Variants in PDE3B observed in about 807,000 individuals in gnomAD.
PDE3B encodes cGMP-inhibited 3',5'-cyclic phosphodiesterase 3B.
In PDE3B, 66 loss-of-function variants were observed where a neutral mutation model predicts 116.8. That is an observed-to-expected ratio of 0.56 (90% confidence interval 0.46 to 0.69). PDE3B has a LOEUF of 0.69. Ranked by LOEUF, PDE3B falls within the 30% of genes least tolerant of loss-of-function variation. The pLI, the probability that PDE3B is intolerant of heterozygous loss-of-function variation, is 0.00. For missense variants in PDE3B, 1,384 were observed against 1,368.1 expected (o/e 1.01, Z -0.18); for synonymous variants, 595 against 533.6 (o/e 1.12, Z -1.59).
the PDE3B span, chr11:14,891,631 A>C: frequency 9.1e-7 from 1 of 1,094,334 alleles, no homozygotes; most frequent in Non-Finnish European, 1.1e-6. Context: ...CCCGCACCTG[A>C]GGGCATGCGT....
chr11:14,654,771 A>G (rs1358969021), intron 1 of PDE3B, among the ~76,000 whole-genome samples: 8 of 148,116 alleles, frequency 5.4e-5, no homozygotes, highest in Non-Finnish European at 1.2e-4. Flanking sequence ...TTGTTTATAT[A>G]TACACAGCAG....
Position 14,785,796 on chromosome 11 carries a change from C to T in PDE3B, c.1030-641C>T, listed in dbSNP as rs545121057. Among the ~76,000 whole-genome samples the T allele has an allele frequency of 9.9e-5, 15 of 151,972 alleles. No individual in the cohort carries two copies. In the South Asian group the frequency reaches 1.2e-3, roughly 13 times the overall value. On this transcript the variant is annotated intron_variant, in intron 2 of 15. Transcript: ENST00000282096. ...TGTTAATTATTCATCTTTAAGTTAT[C>T]GCTATCTCTTTTGAACTATAACATA...
intron 7 of PDE3B, among the ~76,000 whole-genome samples, chr11:14,822,761 T>G (rs2133954141): frequency 6.6e-6 from 1 of 152,270 alleles, no homozygotes; most frequent in East Asian, 1.9e-4. Context: ...TAGACCCCCA[T>G]ACAGACCCCT....
At chr11:14,653,685 T>C (rs760675083) in intron 1 of PDE3B, among the ~76,000 whole-genome samples, 9 of 151,864 alleles carry the variant, frequency 5.9e-5, no homozygotes, top group African/African-American at 9.7e-5. Context: ...AAAAAAATGA[T>C]TGGGGGACAG....
At chr11:14,759,751 G>A (rs968327784) in intron 1 of PDE3B, among the ~76,000 whole-genome samples, 2 of 151,908 alleles carry the variant, frequency 1.3e-5, no homozygotes, top group African/African-American at 4.8e-5. Flanking sequence ...GTTTCACCAT[G>A]TTGGCCCAGA....
chr11:14,766,584 G>T lies in PDE3B; in HGVS notation c.979-5353G>T, dbSNP rs1409898246. Among the ~76,000 whole-genome samples the T allele has an allele frequency of 6.6e-5, 10 of 151,552 alleles. No homozygotes were observed. In the East Asian group the frequency reaches 1.7e-3, roughly 26 times the overall value. On this transcript the variant is annotated intron_variant, in intron 1 of 15. Transcript: ENST00000282096. ...TGTATACTCTGTATCCAAAAATTGAGTGCATTTACATTTATGCTATTTCTT... is the reference window on the plus strand; with the variant it reads ...TGTATACTCTGTATCCAAAAATTGATTGCATTTACATTTATGCTATTTCTT...
intron 1 of PDE3B, among the ~76,000 whole-genome samples, chr11:14,709,935 T>G (rs1429997985): frequency 1.3e-5 from 2 of 152,210 alleles, no homozygotes; most frequent in African/African-American, 2.4e-5. Context: ...CACAGATATC[T>G]TTAATCTCAC....
chr11:14,704,829 A>G (rs1201300660), intron 1 of PDE3B, among the ~76,000 whole-genome samples: 4 of 151,746 alleles, frequency 2.6e-5, no homozygotes. Context: ...AACACAGAAA[A>G]CACAAACCAT....
intron 7 of PDE3B, among the ~76,000 whole-genome samples, chr11:14,828,857 G>A (rs374200713): frequency 3.4e-4 from 52 of 152,222 alleles, no homozygotes; most frequent in South Asian, 4.2e-4. Context: ...AGCCACATGC[G>A]TGTGTATGTT....
At chr11:14,734,661 A>C (rs1856549157) in intron 1 of PDE3B, among the ~76,000 whole-genome samples, 2 of 152,190 alleles carry the variant, frequency 1.3e-5, no homozygotes, top group Admixed American at 1.3e-4. Context: ...TATGTCATAT[A>C]ATTCTATTCT....
chr11:14,778,755 GC>G (rs1344280155), intron 2 of PDE3B, among the ~76,000 whole-genome samples: 1 of 152,178 alleles, frequency 6.6e-6, no homozygotes, highest in Non-Finnish European at 1.5e-5. Flanking sequence ...AAATCAGAGT[GC>G]CCCTTCTCCT....
chr11:14,694,336 A>G (rs985986767), intron 1 of PDE3B, among the ~76,000 whole-genome samples: 1 of 152,188 alleles, frequency 6.6e-6, no homozygotes, highest in Non-Finnish European at 1.5e-5. Flanking sequence ...GAAGCATTGG[A>G]TGCTCCAGAG....
chr11:14,681,154 T>A (rs1854692559), intron 1 of PDE3B, among the ~76,000 whole-genome samples: 1 of 152,176 alleles, frequency 6.6e-6, no homozygotes, highest in Admixed American at 6.5e-5. Flanking sequence ...GACTTAATAT[T>A]TTTATCAGTT....
intron 1 of PDE3B, among the ~76,000 whole-genome samples, chr11:14,738,012 C>G (rs1162356518): frequency 6.6e-6 from 1 of 152,116 alleles, no homozygotes; most frequent in African/African-American, 2.4e-5. Flanking sequence ...TTAATCCAGT[C>G]TATCATTGTT....
intron 1 of PDE3B, among the ~76,000 whole-genome samples, chr11:14,683,709 C>T (rs1854782591): frequency 6.6e-6 from 1 of 151,312 alleles, no homozygotes; most frequent in South Asian, 2.1e-4. Flanking sequence ...TTTCTGCTTG[C>T]TTTAGGTTTA....
At chr11:14,806,938 G>A (rs1858952399) in intron 5 of PDE3B, among the ~76,000 whole-genome samples, 1 of 150,646 alleles carries the variant, frequency 6.6e-6, no homozygotes, top group African/African-American at 2.4e-5. Flanking sequence ...CCATAAAAAA[G>A]GATGAGTTCA....
At chr11:14,848,712 CA>C (rs1278868855) in intron 12 of PDE3B, among the ~76,000 whole-genome samples, 3 of 152,128 alleles carry the variant, frequency 2.0e-5, no homozygotes, top group Non-Finnish European at 4.4e-5. Flanking sequence ...AACACAGAGC[CA>C]AATCATGAGT....
chr11:14,726,597 A>G (rs1432825538), intron 1 of PDE3B, among the ~76,000 whole-genome samples: 4 of 152,216 alleles, frequency 2.6e-5, no homozygotes, highest in Non-Finnish European at 5.9e-5. Flanking sequence ...TTTTTCATTT[A>G]TAAATCAGAT....
At chr11:14,696,971 C>T (rs1387023647) in intron 1 of PDE3B, among the ~76,000 whole-genome samples, 1 of 152,006 alleles carries the variant, frequency 6.6e-6, no homozygotes, top group African/African-American at 2.4e-5. Context: ...GGGTCTTGCT[C>T]TGTCACTCAG....
Sources: allele counts gnomAD v4.1 joint callset (sites outside exome capture counted in the v4.1 genomes callset), GRCh38; gene constraint gnomAD v4.1.1; transcripts MANE v1.5; gene names NCBI Gene and HGNC (gene_info 2026-07-23, HGNC 2026-07-21).